The following SESN1 variants were observed in gnomAD, a reference collection of about 807,000 sequenced individuals.
The protein encoded by SESN1 is sestrin-1.
Under a neutral mutation model 59.3 loss-of-function variants are expected in SESN1, and 30 were observed. The ratio of observed to expected loss-of-function variants is 0.51; its 90% confidence interval spans 0.38 to 0.69. The LOEUF is 0.69. SESN1 is among the 30% of genes least tolerant of loss of function. SESN1 has a pLI of 0.00. For missense variants in SESN1, 566 were observed against 673.0 expected, an observed-to-expected ratio of 0.84 and a Z score of 1.76; for synonymous variants, 197 against 219.9, an observed-to-expected ratio of 0.90 and a Z score of 0.92.
intron 1 of SESN1, among the ~76,000 whole-genome samples, chr6:109,025,096 T>C (rs1780070338): frequency 6.6e-6 from 1 of 151,400 alleles, no homozygotes; most frequent in African/African-American, 2.4e-5. Flanking sequence ...AATTGGGAGG[T>C]AGATCAGAGA....
At chr6:109,039,487 G>T (rs1204058534) in intron 1 of SESN1, among the ~76,000 whole-genome samples, 1 of 152,142 alleles carries the variant, frequency 6.6e-6, no homozygotes, top group East Asian at 1.9e-4. Flanking sequence ...CAACTTGGAG[G>T]CAAGAACATC....
chr6:109,013,997 T>C (rs1779897505), intron 1 of SESN1, among the ~76,000 whole-genome samples: 1 of 152,038 alleles, frequency 6.6e-6, no homozygotes, highest in Non-Finnish European at 1.5e-5. Context: ...TCCTCTTATT[T>C]GCTCTATACT....
chr6:109,021,152 T>G (rs1301759421), intron 1 of SESN1, among the ~76,000 whole-genome samples: 1 of 152,068 alleles, frequency 6.6e-6, no homozygotes, highest in Non-Finnish European at 1.5e-5. Flanking sequence ...CCACCATGAC[T>G]GTCTTAATAT....
chr6:109,034,519 T>C (rs1448535023), intron 1 of SESN1, among the ~76,000 whole-genome samples: 1 of 152,210 alleles, frequency 6.6e-6, no homozygotes, highest in Non-Finnish European at 1.5e-5. Context: ...AAATGTGTAG[T>C]TTCCCTAGCA....
intron 1 of SESN1, among the ~76,000 whole-genome samples, chr6:109,079,185 T>C (rs1378951470): frequency 1.9e-5 from 2 of 107,330 alleles, no homozygotes; most frequent in Admixed American, 2.4e-4. Context: ...TATTTTTCTG[T>C]GCTAAACTGA....
At chr6:109,007,025 G>A (rs1048679308) in intron 1 of SESN1, among the ~76,000 whole-genome samples, 1 of 152,164 alleles carries the variant, frequency 6.6e-6, no homozygotes, top group Admixed American at 6.5e-5. Flanking sequence ...TAACCTCACA[G>A]GCTCTCTGTG....
intron 1 of SESN1, among the ~76,000 whole-genome samples, chr6:109,057,925 C>T (rs1333151768): frequency 6.6e-6 from 1 of 152,018 alleles, no homozygotes; most frequent in African/African-American, 2.4e-5. Context: ...TGTTTCAGCC[C>T]AAGAGAAGGA....
chr6:108,985,935 A>G lies in SESN1; in HGVS notation c.*1609T>C, dbSNP rs1441155232. Reference sequence around the variant, plus strand: ...GCTAAGGTTATAGTCTTGTCTTCTCATGAGAGTAAATATCCTTGAGGACAG... The same window carrying G: ...GCTAAGGTTATAGTCTTGTCTTCTCGTGAGAGTAAATATCCTTGAGGACAG... On this transcript the variant is annotated 3_prime_UTR_variant, in exon 10 of 10. Transcript: ENST00000436639. 1.3e-5 allele frequency among the ~76,000 whole-genome samples: 2 copies of G among 152,210 alleles called. No homozygotes were observed. Among genetic ancestry groups the G allele is most frequent in the African/African-American group, 4.8e-5 (2 of 41,458 alleles).
At chr6:109,008,369 G>A (rs1260228843) in intron 1 of SESN1, among the ~76,000 whole-genome samples, 1 of 152,176 alleles carries the variant, frequency 6.6e-6, no homozygotes. Flanking sequence ...AAGCGATACT[G>A]TAAGAGATTT....
intron 1 of SESN1, among the ~76,000 whole-genome samples, chr6:109,072,880 C>G (rs943396951): frequency 5.9e-5 from 9 of 151,628 alleles, no homozygotes; most frequent in Admixed American, 2.0e-4. Flanking sequence ...CCAAAAAATA[C>G]AGACATTTTA....
chr6:109,035,632 T>G (rs1780237960), intron 1 of SESN1, among the ~76,000 whole-genome samples: 1 of 152,164 alleles, frequency 6.6e-6, no homozygotes, highest in South Asian at 2.1e-4. Flanking sequence ...TCACTTTTTT[T>G]GAGAAGGGGT....
chr6:108,988,318 A>T (rs1779258404), intron 9 of SESN1: 1 of 391,110 alleles, frequency 2.6e-6, no homozygotes, highest in Admixed American at 4.5e-5. Flanking sequence ...CCATGCCAGC[A>T]CTTCTGAAGA....
chr6:109,031,034 G>A (rs1009411956), intron 1 of SESN1, among the ~76,000 whole-genome samples: 3 of 152,168 alleles, frequency 2.0e-5, no homozygotes, highest in East Asian at 1.9e-4. Context: ...TCTAGGCAAC[G>A]TGTAATTTTG....
intron 1 of SESN1, among the ~76,000 whole-genome samples, chr6:109,034,867 C>T (rs1780229168): frequency 6.6e-6 from 1 of 152,172 alleles, no homozygotes; most frequent in African/African-American, 2.4e-5. Flanking sequence ...TATGGAGCTG[C>T]TAAACCAGTC....
At chr6:109,071,801 T>C (rs1780940700) in intron 1 of SESN1, among the ~76,000 whole-genome samples, 1 of 152,170 alleles carries the variant, frequency 6.6e-6, no homozygotes, top group Admixed American at 6.5e-5. Flanking sequence ...AAATTTCCCT[T>C]TGTTGGTTTA....
chr6:108,993,076 A>G (rs1779422516), intron 6 of SESN1, 177 bp from the exon 7 acceptor site: 2 of 540,014 alleles, frequency 3.7e-6, no homozygotes. Context: ...ATGTAGTAAA[A>G]GGAGATTTTC....
intron 1 of SESN1, among the ~76,000 whole-genome samples, chr6:109,087,435 A>C (rs1408876219): frequency 2.0e-5 from 3 of 152,212 alleles, no homozygotes; most frequent in Admixed American, 2.0e-4. Context: ...ATATTCTCTG[A>C]GCCTCAAAAG....
intron 1 of SESN1, among the ~76,000 whole-genome samples, chr6:109,034,901 A>T (rs11153153): frequency 0.092 from 14,028 of 152,258 alleles, 865 homozygotes; most frequent in Middle Eastern, 0.2. Flanking sequence ...ATTTACAAGG[A>T]AGAAAAATAA....
At chr6:109,047,634 C>T (rs1248492412) in intron 1 of SESN1, among the ~76,000 whole-genome samples, 5 of 144,812 alleles carry the variant, frequency 3.5e-5, no homozygotes, top group African/African-American at 5.0e-5. Flanking sequence ...ATGACAATGG[C>T]GGCTTTGTGG....
Sources: gnomAD v4.1 joint callset for allele counts (sites outside exome capture counted in the v4.1 genomes callset) on GRCh38, gnomAD v4.1.1 for gene constraint, MANE v1.5 for transcripts, NCBI Gene and HGNC (gene_info 2026-07-23, HGNC 2026-07-21) for gene names.